DOCK5: variants seen among roughly 807,000 people sequenced by gnomAD.
DOCK5 encodes dedicator of cytokinesis protein 5.
In DOCK5, 142 loss-of-function variants were observed where a neutral mutation model predicts 251.8. That is an observed-to-expected ratio of 0.56 (90% CI 0.49 to 0.65). The LOEUF is 0.65. DOCK5 is among the 30% of genes least tolerant of loss of function. The pLI, the probability that DOCK5 is intolerant of heterozygous loss-of-function variation, is 0.00. For synonymous variants in DOCK5, 842 were observed against 835.5 expected (o/e 1.01, Z -0.13); for missense variants, 2,111 against 2,312.3 (o/e 0.91, Z 1.79).
chr8:25,373,206 G>T (rs13265368), intron 35 of DOCK5, among the ~76,000 whole-genome samples: 70,033 of 151,704 alleles, frequency 0.46, 16,381 homozygotes, highest in Middle Eastern at 0.55. Context: ...CACCATGTTG[G>T]CCAGGATGGT....
chr8:25,299,617 G>A (rs1417114221), intron 8 of DOCK5: 1 of 152,358 alleles, frequency 6.6e-6, no homozygotes, highest in Non-Finnish European at 1.5e-5. Flanking sequence ...TGGTAGCAAA[G>A]GAGGTTGTGT....
In DOCK5 at chr8:25,403,565, A is replaced by G. The variant is rs754776630; in HGVS notation, c.4934A>G (p.Asn1645Ser). 15 of 1,613,666 alleles carry G rather than the reference A, an allele frequency of 9.3e-6. No individual in the cohort carries two copies. Among genetic ancestry groups the G allele is most frequent in the Non-Finnish European group, 1.3e-5 (15 of 1,179,788 alleles). ...KHYGVITLPP[N>S]LTERKQSRTG... The stretch of plus-strand genomic sequence containing the variant: ...GGAGTCATATGTTTTCAGCCACCCA[A>G]CTTGACGGAGAGGAAGCAAAGCCGC... Residue 1645 changes from asparagine to serine, a missense_variant, in exon 48 of 52, where the codon AAC becomes AGC. By Grantham distance (46) the Asn-to-Ser change is conservative. Transcript: ENST00000276440.
intron 17 of DOCK5, among the ~76,000 whole-genome samples, chr8:25,325,119 C>G (rs1805529967): frequency 6.6e-6 from 1 of 152,090 alleles, no homozygotes; most frequent in Non-Finnish European, 1.5e-5. Context: ...TGTATTTACT[C>G]TAACAGAGAC....
At chr8:25,353,185 A>T (rs532155637) in intron 27 of DOCK5, among the ~76,000 whole-genome samples, 44 of 152,238 alleles carry the variant, frequency 2.9e-4, no homozygotes, top group East Asian at 1.7e-3. Flanking sequence ...AAAATTTTTT[A>T]AAAAATTAGC....
chr8:25,308,359 A>T (rs187387371), intron 11 of DOCK5, among the ~76,000 whole-genome samples: 2 of 152,110 alleles, frequency 1.3e-5, no homozygotes, highest in Non-Finnish European at 2.9e-5. Context: ...ATCCCAGCCC[A>T]TCTCTTACAG....
intron 22 of DOCK5, among the ~76,000 whole-genome samples, chr8:25,337,451 A>G (rs990531799): frequency 1.4e-4 from 21 of 151,136 alleles, no homozygotes; most frequent in African/African-American, 4.7e-4. Flanking sequence ...TTGTCCAGTA[A>G]TACCTCATCT....
intron 27 of DOCK5, among the ~76,000 whole-genome samples, chr8:25,356,154 C>G (rs549143409): frequency 1.6e-3 from 243 of 151,954 alleles, no homozygotes; most frequent in African/African-American, 5.3e-3. Context: ...GAGCTGAGAT[C>G]GCGCCACTGC....
chr8:25,213,779 G>T (rs150447252), intron 1 of DOCK5, among the ~76,000 whole-genome samples: 35 of 152,326 alleles, frequency 2.3e-4, no homozygotes, highest in African/African-American at 8.4e-4. Context: ...GAGCCTGACA[G>T]TTTTATGCTT....
In DOCK5 at chr8:25,243,670, C is replaced by G. The variant is rs1046535203; in HGVS notation, c.44-4C>G. On this transcript the variant is annotated splice_region_variant and splice_polypyrimidine_tract_variant and intron_variant, in intron 1 of 51. Coordinates refer to ENST00000276440, the MANE Select transcript of DOCK5 (RefSeq NM_024940.8). ...AATTTCCCTTTTTTATTTCTCATTT[C>G]CAGCGATCTATAACTACAATGCTTC... The G allele has an allele frequency of 9.3e-6, 15 of 1,612,598 alleles. No individual in the cohort carries two copies. Among genetic ancestry groups the G allele is most frequent in the Non-Finnish European group, 1.1e-5 (13 of 1,179,208 alleles).
chr8:25,197,419 C>CA (rs1292469761), intron 1 of DOCK5, among the ~76,000 whole-genome samples: 9 of 152,130 alleles, frequency 5.9e-5, no homozygotes. Context: ...CATTGCAAAG[C>CA]CACTGTTGTT....
intron 2 of DOCK5, among the ~76,000 whole-genome samples, chr8:25,255,316 G>A (rs914005126): frequency 6.6e-6 from 1 of 152,202 alleles, no homozygotes; most frequent in Non-Finnish European, 1.5e-5. Flanking sequence ...ATGTTCTTCA[G>A]TAGGTGAATG....
chr8:25,341,245 G>T (rs1220054437), intron 23 of DOCK5, among the ~76,000 whole-genome samples: 3 of 152,110 alleles, frequency 2.0e-5, no homozygotes, highest in African/African-American at 7.2e-5. Context: ...TGTGAACCCT[G>T]TTTGACCCCA....
chr8:25,193,305 G>C (rs1183921984), intron 1 of DOCK5, among the ~76,000 whole-genome samples: 1 of 151,182 alleles, frequency 6.6e-6, no homozygotes, highest in Non-Finnish European at 1.5e-5. Context: ...TGAGCCCATG[G>C]CAAAAAGCAC....
Position 25,411,241 on chromosome 8 carries a change from T to C in DOCK5, c.5556T>C (p.Pro1852=). 1 of 1,591,492 alleles carries C rather than the reference T, an allele frequency of 6.3e-7. No individual in the cohort carries two copies. Among genetic ancestry groups the C allele is most frequent in the Non-Finnish European group, 8.5e-7 (1 of 1,170,760 alleles). ...PVRREAKAPP[P]PPPKARKSGI... ...GAAGAGAAGCCAAAGCACCACCCCC[T>C]CCACCTCCAAAGGCTCGGAAGTCTG... is the stretch of plus-strand genomic sequence containing the variant. The change falls in exon 52 of 52, where the codon CCT becomes CCC. Residue 1852 remains proline, a synonymous_variant. Transcript: ENST00000276440.
At chr8:25,258,479 A>T (rs1803479641) in intron 2 of DOCK5, among the ~76,000 whole-genome samples, 1 of 152,188 alleles carries the variant, frequency 6.6e-6, no homozygotes, top group African/African-American at 2.4e-5. Context: ...TGGAGCTAGG[A>T]TGGAGAACCA....
rs538125032 is a variant in DOCK5, at chr8:25,308,563, C to T, written c.1050-220C>T. On this transcript the variant is annotated intron_variant, in intron 11 of 51. Coordinates refer to ENST00000276440, the MANE Select transcript of DOCK5 (RefSeq NM_024940.8). ...CCGTTGGTCACCAGTTTTGTGTACTCTTGGGTTTTTTTCCTCCCTCTTTGC... is the reference window on the plus strand; with the variant it reads ...CCGTTGGTCACCAGTTTTGTGTACTTTTGGGTTTTTTTCCTCCCTCTTTGC... Among the ~76,000 whole-genome samples the T allele has an allele frequency of 3.3e-5, 5 of 152,266 alleles. No individual in the cohort carries two copies. The East Asian group carries it at 9.7e-4, about 29-fold the overall frequency.
chr8:25,230,898 T>A (rs1417864779), intron 1 of DOCK5, among the ~76,000 whole-genome samples: 1 of 152,088 alleles, frequency 6.6e-6, no homozygotes, highest in Non-Finnish European at 1.5e-5. Context: ...GCGAAGAGTA[T>A]GAAGAAGAAC....
At position 25,206,009 on chromosome 8, in the gene DOCK5, A is replaced by T. The variant is rs1320183051; in HGVS notation, c.43+21058A>T. Among the ~76,000 whole-genome samples, 3 of 152,282 alleles carry T rather than the reference A, an allele frequency of 2.0e-5. No individual in the cohort carries two copies. In the East Asian group the frequency reaches 5.8e-4, roughly 29 times the overall value. Reference sequence around the variant, plus strand: ...GGAAAGGAAGGCTGAACATGAAAAAAGTTGCAAAAAAAGTCCAGTTGGGGT... The same window carrying T: ...GGAAAGGAAGGCTGAACATGAAAAATGTTGCAAAAAAAGTCCAGTTGGGGT... On this transcript the variant is annotated intron_variant, in intron 1 of 51. Coordinates refer to ENST00000276440, the MANE Select transcript of DOCK5 (RefSeq NM_024940.8).
At chr8:25,235,590 G>T (rs1415738168) in intron 1 of DOCK5, among the ~76,000 whole-genome samples, 2 of 151,520 alleles carry the variant, frequency 1.3e-5, no homozygotes, top group African/African-American at 4.9e-5. Flanking sequence ...CCTTGTTTCT[G>T]CTTTCCTGCT....
Sources: allele counts gnomAD v4.1 joint callset (sites outside exome capture counted in the v4.1 genomes callset), GRCh38; gene constraint gnomAD v4.1.1; transcripts MANE v1.5; gene names NCBI Gene and HGNC (gene_info 2026-07-23, HGNC 2026-07-21).